The following C10orf67 variants were observed in gnomAD, a reference collection of about 807,000 sequenced individuals.
C10orf67 encodes the protein uncharacterized protein C10orf67, mitochondrial.
A neutral mutation model predicts 35.6 loss-of-function variants in C10orf67; 60 were observed. The ratio of observed to expected loss-of-function variants is 1.68; its 90% CI spans 1.37 to 2.09. The LOEUF is 2.09. C10orf67 is among the 30% of genes most tolerant of loss of function. The pLI is 0.00. For missense variants in C10orf67, 474 were observed against 330.2 expected (o/e 1.44, Z -3.38); for synonymous variants, 167 against 115.8 (o/e 1.44, Z -2.84).
intron 15 of C10orf67, among the ~76,000 whole-genome samples, chr10:23,218,585 A>C (rs1380173055): frequency 6.6e-6 from 1 of 152,232 alleles, no homozygotes; most frequent in Admixed American, 6.5e-5. Flanking sequence ...TCTCAAAGAC[A>C]GACATGACAT....
chr10:23,205,082 A>T (rs1841122804), intron 15 of C10orf67, among the ~76,000 whole-genome samples: 1 of 152,226 alleles, frequency 6.6e-6, no homozygotes. Context: ...ACATGAACAA[A>T]GATAAAAACG....
intron 15 of C10orf67, among the ~76,000 whole-genome samples, chr10:23,220,988 T>C (rs2132102404): frequency 6.6e-6 from 1 of 152,280 alleles, no homozygotes; most frequent in Middle Eastern, 3.4e-3. Context: ...AACTTGAAAG[T>C]GTTCGGTTGG....
At chr10:23,338,856 A>C (rs1845780709) in intron 1 of C10orf67, among the ~76,000 whole-genome samples, 1 of 152,226 alleles carries the variant, frequency 6.6e-6, no homozygotes. Flanking sequence ...AAAAAAATAA[A>C]AATAAAAAAA....
intron 1 of C10orf67, chr10:23,343,878 G>A (rs1264156570): frequency 1.1e-5 from 5 of 461,718 alleles, no homozygotes. Flanking sequence ...GGGGCGGGCC[G>A]GCGGGGACTG....
intron 1 of C10orf67, among the ~76,000 whole-genome samples, chr10:23,339,176 A>T (rs1845792981): frequency 6.6e-6 from 1 of 152,190 alleles, no homozygotes; most frequent in South Asian, 2.1e-4. Context: ...ATTGAATTAG[A>T]TGACACTGAT....
intron 10 of C10orf67, among the ~76,000 whole-genome samples, chr10:23,255,930 G>C (rs573280696): frequency 6.6e-6 from 1 of 152,140 alleles, no homozygotes. Flanking sequence ...TTGGGTGGCA[G>C]GATTTTCTTA....
chr10:23,275,052 C>A (rs973737055), intron 8 of C10orf67, among the ~76,000 whole-genome samples: 1 of 152,166 alleles, frequency 6.6e-6, no homozygotes, highest in Middle Eastern at 3.2e-3. Context: ...GCTTCCTTAT[C>A]TTTGACTATG....
intron 8 of C10orf67, among the ~76,000 whole-genome samples, chr10:23,278,517 G>A (rs1049871328): frequency 4.6e-5 from 7 of 152,124 alleles, no homozygotes; most frequent in Non-Finnish European, 7.4e-5. Flanking sequence ...TAGGTTTTAC[G>A]GGCAAAACTG....
intron 1 of C10orf67, among the ~76,000 whole-genome samples, chr10:23,336,125 G>A (rs371175194): frequency 2.0e-5 from 3 of 152,272 alleles, no homozygotes; most frequent in African/African-American, 7.2e-5. Context: ...GCAGACAGAG[G>A]AGAGGACCAC....
chr10:23,272,468 T>C (rs1843055807), intron 8 of C10orf67, among the ~76,000 whole-genome samples: 1 of 152,244 alleles, frequency 6.6e-6, no homozygotes, highest in Admixed American at 6.5e-5. Context: ...TGAATTGCGT[T>C]TGCATCTTGG....
intron 8 of C10orf67, among the ~76,000 whole-genome samples, chr10:23,276,804 C>T (rs1362890193): frequency 6.6e-6 from 1 of 152,086 alleles, no homozygotes; most frequent in Non-Finnish European, 1.5e-5. Flanking sequence ...TGGACCACCT[C>T]CCTGAGCGCA....
chr10:23,279,183 G>C (rs768872147), intron 8 of C10orf67, among the ~76,000 whole-genome samples: 1 of 152,212 alleles, frequency 6.6e-6, no homozygotes, highest in African/African-American at 2.4e-5. Flanking sequence ...CTGACCAGTG[G>C]GCAGAGACTC....
At chr10:23,233,224 C>T (rs771598889) in intron 13 of C10orf67, among the ~76,000 whole-genome samples, 4 of 152,150 alleles carry the variant, frequency 2.6e-5, no homozygotes, top group African/African-American at 4.8e-5. Flanking sequence ...CAGAGAGGCT[C>T]ATTTTATTCA....
At chr10:23,328,930 A>T (rs189529850) in intron 2 of C10orf67, among the ~76,000 whole-genome samples, 2 of 144,412 alleles carry the variant, frequency 1.4e-5, no homozygotes, top group Non-Finnish European at 3.0e-5. Context: ...GGCTGCAGTG[A>T]GCCATGATTC....
intron 15 of C10orf67, among the ~76,000 whole-genome samples, chr10:23,211,398 A>G (rs1841301329): frequency 1.3e-5 from 2 of 152,006 alleles, no homozygotes; most frequent in African/African-American, 2.4e-5. Context: ...CTCTATTTCT[A>G]AATAAGATTA....
intron 13 of C10orf67, among the ~76,000 whole-genome samples, chr10:23,228,588 T>C (rs1841812586): frequency 1.3e-5 from 2 of 152,242 alleles, no homozygotes; most frequent in East Asian, 1.9e-4. Flanking sequence ...AATTGATGAA[T>C]GGGATCTGAT....
chr10:23,343,914 G>T (rs1235767798), intron 1 of C10orf67: 7 of 466,336 alleles, frequency 1.5e-5, no homozygotes, highest in South Asian at 1.1e-4. Context: ...ACCTGGGGTT[G>T]AACTGGAATT....
intron 10 of C10orf67, among the ~76,000 whole-genome samples, chr10:23,253,516 C>G (rs1338467306): frequency 6.6e-6 from 1 of 151,784 alleles, no homozygotes; most frequent in East Asian, 1.9e-4. Context: ...TGCCATTATG[C>G]TAAAAAAAAT....
intron 2 of C10orf67, among the ~76,000 whole-genome samples, chr10:23,331,131 A>G (rs1410501413): frequency 1.2e-5 from 1 of 86,274 alleles, no homozygotes. Context: ...AGGAAGGGAG[A>G]GGAACCGAGA....
Sources: gnomAD v4.1 joint callset for allele counts (sites outside exome capture counted in the v4.1 genomes callset) on GRCh38, gnomAD v4.1.1 for gene constraint, MANE v1.5 for transcripts, NCBI Gene and HGNC (gene_info 2026-07-23, HGNC 2026-07-21) for gene names.